PPP3CA: variants seen among roughly 807,000 people sequenced by gnomAD.
PPP3CA encodes protein phosphatase 3 catalytic subunit alpha.
A neutral mutation model predicts 66.5 loss-of-function variants in PPP3CA; 14 were observed. The ratio of observed to expected loss-of-function variants is 0.21; its 90% CI spans 0.14 to 0.33. The LOEUF (loss-of-function observed/expected upper bound fraction) is 0.33, where lower values mean the gene tolerates loss of function less well. Among genes scored for constraint, PPP3CA ranks in the 10% least tolerant of loss-of-function variants. The pLI, the probability that PPP3CA is intolerant of heterozygous loss-of-function variation, is 1.00. For synonymous variants in PPP3CA, 232 were observed against 226.2 expected, an observed-to-expected ratio of 1.03 and a Z score of -0.23; for missense variants, 317 against 639.5, an observed-to-expected ratio of 0.50 and a Z score of 5.44.
intron 2 of PPP3CA, among the ~76,000 whole-genome samples, chr4:101,180,699 T>C (rs1016500956): frequency 6.6e-6 from 1 of 152,078 alleles, no homozygotes; most frequent in African/African-American, 2.4e-5. Context: ...CCTAAACTAA[T>C]GGTAAATTAG....
chr4:101,036,799 A>G (rs1727273665), intron 11 of PPP3CA, among the ~76,000 whole-genome samples: 1 of 152,190 alleles, frequency 6.6e-6, no homozygotes, highest in Non-Finnish European at 1.5e-5. Context: ...TGCCAAATTC[A>G]GTGCATCCTA....
intron 1 of PPP3CA, among the ~76,000 whole-genome samples, chr4:101,287,044 A>C (rs2110284442): frequency 6.6e-6 from 1 of 152,134 alleles, no homozygotes. Flanking sequence ...AAAAAAAAGT[A>C]TGTGTGTAAT....
rs1726631581 is a variant in PPP3CA at position 101,026,021 on chromosome 4, G to A, written c.1410C>T (p.Phe470=). 1.4e-5 allele frequency: 23 copies of A among 1,609,996 alleles called. No homozygotes were observed. Among genetic ancestry groups the A allele is most frequent in the Non-Finnish European group, 2.0e-5 (23 of 1,178,784 alleles). Residue 470 remains phenylalanine (F), a synonymous_variant, in exon 14 of 14, where the codon TTC becomes TTT. Transcript: ENST00000394854. ...GFSPQHKITS[F]EEAKGLDRIN... ...TTCGGTCTAAGCCCTTGGCTTCCTC[G>A]AAGCTAGTGATCTTATGTTGTGGTG... is the stretch of plus-strand genomic sequence containing the variant.
intron 10 of PPP3CA, among the ~76,000 whole-genome samples, chr4:101,060,398 C>T (rs1217432464): frequency 1.3e-5 from 2 of 152,096 alleles, no homozygotes; most frequent in African/African-American, 4.8e-5. Flanking sequence ...AAAGTTTGCT[C>T]TTATGCTTTT....
intron 1 of PPP3CA, among the ~76,000 whole-genome samples, chr4:101,277,027 A>T (rs1727517998): frequency 6.6e-6 from 1 of 151,588 alleles, no homozygotes; most frequent in South Asian, 2.1e-4. Context: ...TTCAGGTCCT[A>T]AAAGTCCCCT....
At chr4:101,110,928 A>G (rs1385347789) in intron 2 of PPP3CA, among the ~76,000 whole-genome samples, 2 of 142,772 alleles carry the variant, frequency 1.4e-5, no homozygotes, top group Non-Finnish European at 3.0e-5. Flanking sequence ...AAACTTTTAT[A>G]TATTTTATAT....
intron 1 of PPP3CA, among the ~76,000 whole-genome samples, chr4:101,303,503 C>A (rs967771732): frequency 2.0e-5 from 3 of 152,028 alleles, no homozygotes; most frequent in Non-Finnish European, 4.4e-5. Flanking sequence ...CCCAAGTGTA[C>A]GGTGATCCAA....
intron 1 of PPP3CA, among the ~76,000 whole-genome samples, chr4:101,285,592 T>C (rs1174170151): frequency 8.1e-6 from 1 of 123,248 alleles, no homozygotes; most frequent in East Asian, 2.2e-4. Context: ...CAAATGCCAC[T>C]GTGTGTATGT....
At position 101,278,135 on chromosome 4, in the gene PPP3CA, AAAAAT is replaced by A. The variant is rs1319166498; in HGVS notation, c.58+68599_58+68603del. On this transcript the variant is annotated intron_variant, in intron 1 of 13. Coordinates refer to ENST00000394854, the MANE Select transcript of PPP3CA (RefSeq NM_000944.5). Reference sequence around the variant, plus strand: ...AAAAGCTATTAGTAAAAAAAAAAAAAAAAATAAAAAAATTAAAAAGTTATTTTAAC... The same window carrying A: ...AAAAGCTATTAGTAAAAAAAAAAAAAAAAAAAATTAAAAAGTTATTTTAAC... 1.4e-3 allele frequency among the ~76,000 whole-genome samples: 210 copies of A among 145,118 alleles called. 4 individuals carry two copies. The highest frequency in any genetic ancestry group is 5.2e-3 in the African/African-American group (190 of 36,882).
rs183142415 is a variant in PPP3CA at position 101,259,837 on chromosome 4, T to A, written c.59-63721A>T. ...CACGCTCTCTTCTCTTACACTGGTA[T>A]ATTGTGAATATGCTCCCACTTTATC... On this transcript the variant is annotated intron_variant, in intron 1 of 13. Coordinates refer to ENST00000394854, the MANE Select transcript of PPP3CA (RefSeq NM_000944.5). 3.4e-3 allele frequency among the ~76,000 whole-genome samples: 511 copies of A among 152,306 alleles called. 2 individuals are homozygous for A. The highest frequency in any genetic ancestry group is 0.012 in the African/African-American group (483 of 41,568).
rs185768122 is a variant in PPP3CA at position 101,140,050 on chromosome 4, A to C, written c.260-30972T>G. On this transcript the variant is annotated intron_variant, in intron 2 of 13. Transcript: ENST00000394854. The stretch of plus-strand genomic sequence containing the variant: ...AACTAATTCTGCATAGCACTTTCAT[A>C]TTTTACTAGAATAGTATTATGACTA... Among the ~76,000 whole-genome samples, 884 of 152,160 alleles carry C rather than the reference A, an allele frequency of 5.8e-3. 6 individuals carry two copies. Among genetic ancestry groups the C allele is most frequent in the Non-Finnish European group, 6.9e-3 (472 of 68,004 alleles).
chr4:101,047,734 G>C (rs1315372724), intron 10 of PPP3CA, among the ~76,000 whole-genome samples: 7 of 152,094 alleles, frequency 4.6e-5, no homozygotes, highest in African/African-American at 1.7e-4. Flanking sequence ...TTACAGGTAT[G>C]CTAAACTTTA....
At chr4:101,154,370 G>A (rs1018209683) in intron 2 of PPP3CA, among the ~76,000 whole-genome samples, 1 of 152,070 alleles carries the variant, frequency 6.6e-6, no homozygotes, top group African/African-American at 2.4e-5. Flanking sequence ...TTTATAAACA[G>A]TATCAAAATT....
At chr4:101,137,703 T>C (rs1254597702) in intron 2 of PPP3CA, among the ~76,000 whole-genome samples, 1 of 151,754 alleles carries the variant, frequency 6.6e-6, no homozygotes, top group Non-Finnish European at 1.5e-5. Context: ...GATTTTATTC[T>C]TTTCACAGGA....
At chr4:101,194,407 C>T (rs535328995) in intron 2 of PPP3CA, among the ~76,000 whole-genome samples, 15 of 152,004 alleles carry the variant, frequency 9.9e-5, no homozygotes, top group African/African-American at 3.4e-4. Flanking sequence ...CTTTTAGATG[C>T]CCCCTTTATA....
chr4:101,291,628 C>G (rs183611256), intron 1 of PPP3CA, among the ~76,000 whole-genome samples: 1 of 152,152 alleles, frequency 6.6e-6, no homozygotes, highest in Non-Finnish European at 1.5e-5. Flanking sequence ...AGATTAATAA[C>G]GCAACATCCT....
At chr4:101,098,073 A>G (rs1460225249) in intron 5 of PPP3CA, among the ~76,000 whole-genome samples, 4 of 152,200 alleles carry the variant, frequency 2.6e-5, no homozygotes, top group Non-Finnish European at 1.5e-5. Context: ...TGTTTGAAAA[A>G]AGCCAAATGG....
intron 2 of PPP3CA, chr4:101,171,061 T>G: frequency 2.8e-6 from 1 of 359,398 alleles, no homozygotes; most frequent in African/African-American, 2.1e-5. Flanking sequence ...ATCACATTTT[T>G]CCAAGTAGCT....
intron 1 of PPP3CA, among the ~76,000 whole-genome samples, chr4:101,212,537 T>G (rs1383173498): frequency 6.6e-6 from 1 of 152,028 alleles, no homozygotes; most frequent in African/African-American, 2.4e-5. Flanking sequence ...GGTGATGGGA[T>G]GATCTGTGCA....
Sources: allele counts gnomAD v4.1 joint callset (sites outside exome capture counted in the v4.1 genomes callset), GRCh38; gene constraint gnomAD v4.1.1; transcripts MANE v1.5; gene names NCBI Gene and HGNC (gene_info 2026-07-23, HGNC 2026-07-21).